Variants in CTNNA1 observed in about 807,000 individuals in gnomAD.
CTNNA1 encodes catenin alpha-1.
Under a neutral mutation model 98.4 loss-of-function variants are expected in CTNNA1, and 37 were observed. That is an observed-to-expected ratio of 0.38 (90% CI 0.29 to 0.49). CTNNA1 has a LOEUF of 0.49. Among genes scored for constraint, CTNNA1 ranks in the 20% least tolerant of loss-of-function variants. The pLI is 0.95. For synonymous variants in CTNNA1, 404 were observed against 413.2 expected (o/e 0.98, Z 0.27); for missense variants, 761 against 1,147.2 (o/e 0.66, Z 4.86).
intron 9 of CTNNA1, among the ~76,000 whole-genome samples, chr5:138,893,202 A>G (rs1755901152): frequency 6.6e-6 from 1 of 152,050 alleles, no homozygotes; most frequent in African/African-American, 2.4e-5. Flanking sequence ...ATGAGGGTAG[A>G]GCAGTGGAGG....
At position 138,931,714 on chromosome 5, in the gene CTNNA1, G is replaced by C. The variant is rs1009008176; in HGVS notation, c.2298+779G>C. On this transcript the variant is annotated intron_variant, in intron 16 of 17. Coordinates refer to ENST00000302763, the MANE Select transcript of CTNNA1 (RefSeq NM_001903.5). ...TTCTTTCCTCTCTCCACTTCCTTCTGCATCCAGCTGTCAATACTGTCATCT... is the reference window on the plus strand; with the variant it reads ...TTCTTTCCTCTCTCCACTTCCTTCTCCATCCAGCTGTCAATACTGTCATCT... 3.2e-5 allele frequency: 32 copies of C among 985,274 alleles called. No individual in the cohort carries two copies. The African/African-American group carries it at 5.4e-4, about 17-fold the overall frequency. The allele number at this position is 985,274 out of a possible 1,614,324, so 61.0% of individuals were successfully genotyped here. A position where few individuals can be genotyped will look rare whatever the true frequency, so the allele number is the denominator to read the frequency against.
chr5:138,861,405 T>A (rs1487113299), intron 7 of CTNNA1, among the ~76,000 whole-genome samples: 1 of 152,216 alleles, frequency 6.6e-6, no homozygotes, highest in African/African-American at 2.4e-5. Flanking sequence ...GTCTTTTTTT[T>A]CTATTTGGAT....
chr5:138,817,527 C>T (rs1010715621), intron 5 of CTNNA1, among the ~76,000 whole-genome samples: 10 of 152,060 alleles, frequency 6.6e-5, no homozygotes. Flanking sequence ...TTCTTTTCTC[C>T]TTCTGGAATT....
chr5:138,869,897 G>A (rs1765178566), intron 7 of CTNNA1: 1 of 152,606 alleles, frequency 6.6e-6, no homozygotes, highest in Admixed American at 6.5e-5. Flanking sequence ...AGAGTTGTGT[G>A]TGGATTTACA....
chr5:138,766,596 G>A (rs1752966957), intron 1 of CTNNA1, among the ~76,000 whole-genome samples: 1 of 152,110 alleles, frequency 6.6e-6, no homozygotes, highest in Non-Finnish European at 1.5e-5. Flanking sequence ...AGTAGGGTGA[G>A]TGAGGTGTTT....
At chr5:138,793,513 T>C (rs1324162536) in intron 3 of CTNNA1, among the ~76,000 whole-genome samples, 1 of 152,234 alleles carries the variant, frequency 6.6e-6, no homozygotes, top group Admixed American at 6.5e-5. Flanking sequence ...TAAATAACAC[T>C]AACCAGGATA....
Position 138,781,306 on chromosome 5 carries a change from T to C in CTNNA1, c.-2-617T>C, listed in dbSNP as rs187870552. ...TGGCTCACGCCTATAATCCCAGCACTTTGGGAGGCCGAGGCAGGTGGATCA... is the reference window on the plus strand; with the variant it reads ...TGGCTCACGCCTATAATCCCAGCACCTTGGGAGGCCGAGGCAGGTGGATCA... On this transcript the variant is annotated intron_variant, in intron 1 of 17. Transcript: ENST00000302763. Among the ~76,000 whole-genome samples, 103 of 152,240 alleles carry C rather than the reference T, an allele frequency of 6.8e-4. 2 individuals are homozygous for C. Among genetic ancestry groups the C allele is most frequent in the Non-Finnish European group, 2.1e-4 (14 of 68,010 alleles).
intron 7 of CTNNA1, among the ~76,000 whole-genome samples, chr5:138,860,576 T>C (rs1214835959): frequency 6.6e-6 from 1 of 152,156 alleles, no homozygotes; most frequent in Non-Finnish European, 1.5e-5. Context: ...GCTCGCTGCA[T>C]CCTCTGCCGC....
At chr5:138,818,597 G>A (rs7736831) in intron 5 of CTNNA1, among the ~76,000 whole-genome samples, 151,482 of 152,296 alleles carry the variant, frequency 0.99, 75,336 homozygotes, top group East Asian at 1. Context: ...TACAGTCTTC[G>A]TGCAGCTTCT....
chr5:138,810,341 T>C, intron 4 of CTNNA1, 137 bp downstream of exon 4: 1 of 859,960 alleles, frequency 1.2e-6, no homozygotes, highest in Non-Finnish European at 1.8e-6. Flanking sequence ...TGTTTTTGTT[T>C]AATTTCCACT....
intron 10 of CTNNA1, among the ~76,000 whole-genome samples, chr5:138,907,031 T>C (rs1236265709): frequency 1.3e-5 from 2 of 152,196 alleles, no homozygotes; most frequent in Non-Finnish European, 2.9e-5. Context: ...TCTTCTTTTT[T>C]CTTTTTTTGA....
At chr5:138,825,702 G>A (rs909527385) in intron 6 of CTNNA1, among the ~76,000 whole-genome samples, 1 of 151,384 alleles carries the variant, frequency 6.6e-6, no homozygotes, top group Admixed American at 6.6e-5. Context: ...CTTTACTTTC[G>A]CTTAGGTAGC....
chr5:138,754,590 G>C (rs1751416702), intron 1 of CTNNA1: 1 of 152,168 alleles, frequency 6.6e-6, no homozygotes, highest in Non-Finnish European at 1.5e-5. Flanking sequence ...GCGAATATTT[G>C]TGTTTAGTCA....
chr5:138,814,329 A>G (rs1314275726), intron 5 of CTNNA1, among the ~76,000 whole-genome samples: 1 of 151,090 alleles, frequency 6.6e-6, no homozygotes, highest in Non-Finnish European at 1.5e-5. Flanking sequence ...GCTCACCACA[A>G]CCTCCGCCTC....
chr5:138,887,047 G>C (rs750986521), intron 8 of CTNNA1, among the ~76,000 whole-genome samples: 82 of 152,146 alleles, frequency 5.4e-4, no homozygotes, highest in Non-Finnish European at 1.1e-3. Flanking sequence ...TAAGTTTTAA[G>C]GTTCATAGTG....
chr5:138,766,914 G>A (rs1752997137), intron 1 of CTNNA1, among the ~76,000 whole-genome samples: 1 of 152,162 alleles, frequency 6.6e-6, no homozygotes. Context: ...GCAGAGGGAA[G>A]GGGTTGTTTC....
At chr5:138,896,172 A>T (rs1484462860) in intron 9 of CTNNA1, among the ~76,000 whole-genome samples, 2 of 152,206 alleles carry the variant, frequency 1.3e-5, no homozygotes, top group Non-Finnish European at 2.9e-5. Context: ...AAATTCCTCT[A>T]GTCCCCCTGT....
intron 3 of CTNNA1, among the ~76,000 whole-genome samples, chr5:138,801,808 A>G (rs942797587): frequency 6.6e-6 from 1 of 152,256 alleles, no homozygotes; most frequent in South Asian, 2.1e-4. Flanking sequence ...ATGAAAAGTG[A>G]TAGACCTGGA....
intron 5 of CTNNA1, among the ~76,000 whole-genome samples, chr5:138,813,209 A>C (rs573268442): frequency 2.5e-4 from 38 of 152,330 alleles, no homozygotes; most frequent in African/African-American, 8.9e-4. Flanking sequence ...TTTCATCACT[A>C]TCGTCTTCAG....
Sources: gnomAD v4.1 joint callset for allele counts (sites outside exome capture counted in the v4.1 genomes callset) on GRCh38, gnomAD v4.1.1 for gene constraint, MANE v1.5 for transcripts, NCBI Gene and HGNC (gene_info 2026-07-23, HGNC 2026-07-21) for gene names.